Variants in PTPRD observed in about 807,000 individuals in gnomAD.
PTPRD encodes the protein receptor-type tyrosine-protein phosphatase delta.
Under a neutral mutation model 214.5 loss-of-function variants are expected in PTPRD, and 34 were observed. That is an observed-to-expected ratio of 0.16 (90% CI 0.12 to 0.21). The LOEUF is 0.21. Ranked by LOEUF, PTPRD falls within the 10% of genes least tolerant of loss-of-function variation. PTPRD has a pLI of 1.00. For missense variants in PTPRD, 2,545 were observed against 2,398.7 expected (o/e 1.06, Z -1.27); for synonymous variants, 1,128 against 845.7 (o/e 1.33, Z -5.79).
At chr9:9,611,906 C>T (rs969920363) in intron 7 of PTPRD, among the ~76,000 whole-genome samples, 8 of 152,038 alleles carry the variant, frequency 5.3e-5, no homozygotes, top group Non-Finnish European at 8.8e-5. Flanking sequence ...ACAAAATCTC[C>T]TGTAGTAATT....
rs117566978 is a variant in PTPRD at position 9,609,416 on chromosome 9, T to C, written c.-286-34635A>G. Among the ~76,000 whole-genome samples the C allele has an allele frequency of 4.3e-4, 66 of 152,232 alleles. 1 individual carries two copies. In the East Asian group the frequency reaches 9.5e-3, roughly 22 times the overall value. On this transcript the variant is annotated intron_variant, in intron 7 of 45. Coordinates refer to ENST00000381196, the MANE Select transcript of PTPRD (RefSeq NM_002839.4). Reference sequence around the variant, plus strand: ...ACAGAAGCACAGACAAAAGAAACTTTGGGAAGAAGAGATGTATATCAAGTA... The same window carrying C: ...ACAGAAGCACAGACAAAAGAAACTTCGGGAAGAAGAGATGTATATCAAGTA...
At chr9:8,827,873 A>T (rs1350881548) in intron 11 of PTPRD, among the ~76,000 whole-genome samples, 1 of 152,178 alleles carries the variant, frequency 6.6e-6, no homozygotes, top group Admixed American at 6.5e-5. Context: ...ACAGGCCTGA[A>T]ATCATGTGGA....
chr9:8,548,375 G>GC (rs1554765152), intron 14 of PTPRD, among the ~76,000 whole-genome samples: 1 of 147,012 alleles, frequency 6.8e-6, no homozygotes, highest in Non-Finnish European at 1.5e-5. Context: ...CTGGAATTTT[G>GC]TTTTTTTTTT....
Position 9,652,419 on chromosome 9 carries a change from T to C in PTPRD, c.-286-77638A>G, listed in dbSNP as rs2096385834. ...ACCTTATCTCCTACATAATGAAACG[T>C]AGGAACTTGTAGTTGGGGAAGGTAT... On this transcript the variant is annotated intron_variant, in intron 7 of 45. Coordinates refer to ENST00000381196, the MANE Select transcript of PTPRD (RefSeq NM_002839.4). 3.3e-5 allele frequency among the ~76,000 whole-genome samples: 5 copies of C among 152,162 alleles called. No individual in the cohort carries two copies. In the South Asian group the frequency reaches 8.3e-4, roughly 25 times the overall value.
intron 44 of PTPRD, among the ~76,000 whole-genome samples, chr9:8,329,504 T>C (rs1837513130): frequency 6.6e-6 from 1 of 152,116 alleles, no homozygotes; most frequent in South Asian, 2.1e-4. Flanking sequence ...AGGGACCCAC[T>C]TGAGGAGAGA....
intron 13 of PTPRD, among the ~76,000 whole-genome samples, chr9:8,635,638 T>C (rs189087255): frequency 1.3e-5 from 2 of 152,254 alleles, no homozygotes; most frequent in East Asian, 3.9e-4. Flanking sequence ...GTTCTGAATT[T>C]GTAGTTGCTA....
chr9:8,949,715 T>C (rs905311224), intron 11 of PTPRD, among the ~76,000 whole-genome samples: 1 of 152,190 alleles, frequency 6.6e-6, no homozygotes, highest in African/African-American at 2.4e-5. Flanking sequence ...ATTCAACTGC[T>C]ACTGAAAATA....
At chr9:8,918,996 T>G (rs1272323751) in intron 11 of PTPRD, among the ~76,000 whole-genome samples, 1 of 152,132 alleles carries the variant, frequency 6.6e-6, no homozygotes, top group Admixed American at 6.5e-5. Context: ...GGAACATAAG[T>G]TTATTTCTGA....
chr9:9,509,603 T>A (rs1480664107), intron 8 of PTPRD, among the ~76,000 whole-genome samples: 1 of 151,526 alleles, frequency 6.6e-6, no homozygotes, highest in African/African-American at 2.4e-5. Flanking sequence ...AAACCCTAAA[T>A]TTTAGACCAT....
Position 8,521,271 on chromosome 9 carries a change from G to A in PTPRD, c.961+6C>T, listed in dbSNP as rs772631489. ...AGATCCTCAAAGCATAATCCATTGA[G>A]CATACCTTTGACAGTGATCTGTGCT... On this transcript the variant is annotated splice_donor_region_variant and intron_variant, in intron 20 of 45. Coordinates refer to ENST00000381196, the MANE Select transcript of PTPRD (RefSeq NM_002839.4). The A allele has an allele frequency of 2.5e-6, 4 of 1,608,136 alleles. No homozygotes were observed. The African/African-American group carries it at 5.3e-5, about 21-fold the overall frequency.
intron 4 of PTPRD, among the ~76,000 whole-genome samples, chr9:9,960,273 G>C (rs189766043): frequency 6.7e-6 from 1 of 149,334 alleles, no homozygotes; most frequent in Non-Finnish European, 1.5e-5. Flanking sequence ...AACTGGGATA[G>C]CTCCCAATGG....
intron 2 of PTPRD, among the ~76,000 whole-genome samples, chr9:10,571,748 G>T (rs538885757): frequency 4.6e-5 from 7 of 152,162 alleles, no homozygotes; most frequent in African/African-American, 1.4e-4. Context: ...AGATGAAATT[G>T]TTCCACCTCA....
intron 8 of PTPRD, among the ~76,000 whole-genome samples, chr9:9,398,012 G>A (rs1238055632): frequency 1.3e-5 from 2 of 151,870 alleles, no homozygotes; most frequent in African/African-American, 2.4e-5. Context: ...ATTCTCCAGT[G>A]CATACTCATG....
intron 11 of PTPRD, among the ~76,000 whole-genome samples, chr9:9,010,401 T>C (rs1051467177): frequency 6.6e-6 from 1 of 152,208 alleles, no homozygotes; most frequent in South Asian, 2.1e-4. Flanking sequence ...CCCTGCTCTG[T>C]GTCTGGTGAG....
chr9:8,503,215 GA>G (rs2137136934), intron 23 of PTPRD, among the ~76,000 whole-genome samples: 1 of 152,092 alleles, frequency 6.6e-6, no homozygotes, highest in East Asian at 1.9e-4. Context: ...TGAAATGGTG[GA>G]AAACTTGCTT....
At chr9:8,974,867 C>T (rs981472942) in intron 11 of PTPRD, among the ~76,000 whole-genome samples, 11 of 151,794 alleles carry the variant, frequency 7.2e-5, no homozygotes, top group East Asian at 3.9e-4. Context: ...GAGGCTGAGG[C>T]GGGTGGATCA....
In PTPRD at chr9:9,525,004, C is replaced by T. The variant is rs546616989; in HGVS notation, c.-237+49728G>A. Among the ~76,000 whole-genome samples, 318 of 152,220 alleles carry T rather than the reference C, an allele frequency of 2.1e-3. 1 individual carries two copies. Among genetic ancestry groups the T allele is most frequent in the African/African-American group, 6.8e-3 (284 of 41,542 alleles). ...TCCCGAGTAGCGGGGACTACAGGCGCCCGCCACCACGCCCGGCTAATTTTT... is the reference window on the plus strand; with the variant it reads ...TCCCGAGTAGCGGGGACTACAGGCGTCCGCCACCACGCCCGGCTAATTTTT... On this transcript the variant is annotated intron_variant, in intron 8 of 45. Transcript: ENST00000381196.
intron 3 of PTPRD, among the ~76,000 whole-genome samples, chr9:10,045,605 A>T (rs2097373740): frequency 6.6e-6 from 1 of 151,728 alleles, no homozygotes; most frequent in African/African-American, 2.4e-5. Context: ...TTTGGAGTAA[A>T]TGTAAAATGG....
intron 14 of PTPRD, among the ~76,000 whole-genome samples, chr9:8,535,394 C>A (rs1455898848): frequency 6.6e-6 from 1 of 151,902 alleles, no homozygotes; most frequent in Non-Finnish European, 1.5e-5. Context: ...CCAATAAATA[C>A]CCTCTTTTCC....
Sources: gnomAD v4.1 joint callset for allele counts (sites outside exome capture counted in the v4.1 genomes callset) on GRCh38, gnomAD v4.1.1 for gene constraint, MANE v1.5 for transcripts, NCBI Gene and HGNC (gene_info 2026-07-23, HGNC 2026-07-21) for gene names.